Variants in C3orf49 observed in about 807,000 individuals in gnomAD.
C3orf49 encodes the protein chromosome 3 open reading frame 49, also known as putative uncharacterized protein C3orf49.
Under a neutral mutation model 13.3 loss-of-function variants are expected in C3orf49, and 27 were observed. The ratio of observed to expected loss-of-function variants is 2.02; its 90% CI spans 1.49 to 2.79. The LOEUF (loss-of-function observed/expected upper bound fraction) is 2.79. C3orf49 is among the 30% of genes most tolerant of loss of function. C3orf49 has a pLI of 0.00. For synonymous variants in C3orf49, 87 were observed against 47.6 expected (o/e 1.83, Z -3.40); for missense variants, 242 against 134.2 (o/e 1.80, Z -3.97).
chr3:63,834,044 A>G (rs967635172), intron 5 of C3orf49: 24 of 1,330,288 alleles, frequency 1.8e-5, no homozygotes, highest in Admixed American at 1.3e-4. Flanking sequence ...CCAAAACTTT[A>G]AATATCTCAA....
the C3orf49 span, among the ~76,000 whole-genome samples, chr3:63,803,804 A>C: frequency 6.6e-6 from 1 of 152,152 alleles, no homozygotes; most frequent in Non-Finnish European, 1.5e-5. Flanking sequence ...GTTTCGTGAT[A>C]ATTCAAGATC....
At chr3:63,806,746 G>A in the C3orf49 span, among the ~76,000 whole-genome samples, 1 of 151,826 alleles carries the variant, frequency 6.6e-6, no homozygotes, top group African/African-American at 2.4e-5. Context: ...TTCTTCAGTT[G>A]GCCCTTAGAC....
chr3:63,816,770 T>C, upstream of C3orf49, among the ~76,000 whole-genome samples: 1 of 6,020 alleles, frequency 1.7e-4, no homozygotes, highest in East Asian at 6.9e-3. Context: ...TTTTCTTTTC[T>C]TTTTTTTTTT....
At chr3:63,819,275 C>T, upstream of C3orf49, 1 of 524,110 alleles carries the variant, frequency 1.9e-6, no homozygotes, top group East Asian at 3.1e-5. Context: ...AAGTTGTAAA[C>T]AGGGCCAGTC....
chr3:63,834,017 AAC>A (rs1448589410), intron 5 of C3orf49: 42 of 932,728 alleles, frequency 4.5e-5, no homozygotes, highest in Middle Eastern at 2.2e-4. Context: ...CATACTTAAA[AAC>A]AGAGTATTTT....
chr3:63,790,491 A>G, the C3orf49 span, among the ~76,000 whole-genome samples: 8 of 152,188 alleles, frequency 5.3e-5, no homozygotes, highest in Non-Finnish European at 8.8e-5. Context: ...ACCTGAGACC[A>G]GTGAAATCAG....
the C3orf49 span, among the ~76,000 whole-genome samples, chr3:63,794,669 C>T: frequency 6.6e-6 from 1 of 152,136 alleles, no homozygotes; most frequent in African/African-American, 2.4e-5. Context: ...CATTAAACAC[C>T]TCCTATGTGC....
chr3:63,788,382 T>A, the C3orf49 span, among the ~76,000 whole-genome samples: 1 of 152,162 alleles, frequency 6.6e-6, no homozygotes, highest in Non-Finnish European at 1.5e-5. Context: ...CTGGGAGAAA[T>A]ACAATATGTC....
intron 5 of C3orf49, 71 bp downstream of exon 5, chr3:63,831,915 C>A: frequency 1.5e-6 from 1 of 648,826 alleles, no homozygotes. Context: ...CTTCCCTAGG[C>A]TGGCCGTGGT....
At chr3:63,802,033 C>T in the C3orf49 span, among the ~76,000 whole-genome samples, 2 of 152,240 alleles carry the variant, frequency 1.3e-5, no homozygotes, top group East Asian at 1.9e-4. Flanking sequence ...TGGCAGATTA[C>T]TTCCATCCAG....
chr3:63,832,759 T>C (rs999228453), intron 5 of C3orf49: 9 of 152,206 alleles, frequency 5.9e-5, no homozygotes, highest in Middle Eastern at 3.2e-3. Flanking sequence ...ATAAAAACGA[T>C]TGTCACAGCA....
chr3:63,784,649 G>A, the C3orf49 span: 1 of 152,300 alleles, frequency 6.6e-6, no homozygotes, highest in South Asian at 2.1e-4. Context: ...CTGAGGTCAG[G>A]AATTTGAGAC....
At chr3:63,824,336 T>C (rs1023203293) in intron 2 of C3orf49, among the ~76,000 whole-genome samples, 2 of 152,204 alleles carry the variant, frequency 1.3e-5, no homozygotes, top group African/African-American at 2.4e-5. Flanking sequence ...GTAGTGAGAC[T>C]TAAATGAATA....
chr3:63,826,300 A>C (rs997604889), intron 2 of C3orf49, among the ~76,000 whole-genome samples: 2 of 152,200 alleles, frequency 1.3e-5, no homozygotes, highest in Admixed American at 1.3e-4. Context: ...GCGCAAATGC[A>C]GGAAGAACAA....
At chr3:63,838,129 G>C in intron 5 of C3orf49, 1 of 1,422,296 alleles carries the variant, frequency 7.0e-7, no homozygotes, top group South Asian at 1.3e-5. Context: ...ATTTTAAAAC[G>C]CATTTATAAA....
chr3:63,804,425 T>C, the C3orf49 span, among the ~76,000 whole-genome samples: 1 of 152,188 alleles, frequency 6.6e-6, no homozygotes. Flanking sequence ...GCTTTCTCTT[T>C]GGCTCCTGTC....
chr3:63,831,049 C>A, intron 3 of C3orf49, 61 bp from the exon 4 acceptor site: 3 of 671,312 alleles, frequency 4.5e-6, no homozygotes, highest in Non-Finnish European at 8.0e-6. Context: ...CTTGTTTAAG[C>A]ACCATCACAT....
intron 3 of C3orf49, among the ~76,000 whole-genome samples, chr3:63,828,352 T>G (rs954173725): frequency 6.6e-6 from 1 of 152,132 alleles, no homozygotes; most frequent in Non-Finnish European, 1.5e-5. Flanking sequence ...CAGGCTGGAG[T>G]GCAGTGGCAC....
At chr3:63,782,324 C>T in the C3orf49 span, 1 of 151,958 alleles carries the variant, frequency 6.6e-6, no homozygotes, top group African/African-American at 2.4e-5. Context: ...CGTTTATTTT[C>T]CTTCTCAAAA....
Sources: allele counts gnomAD v4.1 joint callset (sites outside exome capture counted in the v4.1 genomes callset), GRCh38; gene constraint gnomAD v4.1.1; transcripts MANE v1.5; gene names NCBI Gene and HGNC (gene_info 2026-07-23, HGNC 2026-07-21).